PLTP: variants seen among roughly 807,000 people sequenced by gnomAD.
PLTP encodes the protein phospholipid transfer protein.
Under a neutral mutation model 54.1 loss-of-function variants are expected in PLTP, and 43 were observed. The observed-to-expected ratio is 0.79, with a 90% CI of 0.62 to 1.02. PLTP has a LOEUF of 1.02. Ranked by LOEUF, PLTP falls within the 50% of genes least tolerant of loss-of-function variation. PLTP has a pLI of 0.00. For missense variants in PLTP, 604 were observed against 645.9 expected, an observed-to-expected ratio of 0.94 and a Z score of 0.70; for synonymous variants, 263 against 264.6, an observed-to-expected ratio of 0.99 and a Z score of 0.06.
intron 11 of PLTP, 52 bp from the exon 12 acceptor site, chr20:45,902,386 A>C (rs1429019088): frequency 1.2e-6 from 2 of 1,613,892 alleles, no homozygotes; most frequent in East Asian, 2.2e-5. Flanking sequence ...TCAGTAACCC[A>C]CAGCCCATTT....
At chr20:45,903,764 C>T (rs532540746) in intron 10 of PLTP, among the ~76,000 whole-genome samples, 5 of 152,146 alleles carry the variant, frequency 3.3e-5, no homozygotes, top group Admixed American at 6.5e-5. Flanking sequence ...TGCTTGAACC[C>T]GGGAGGTTCA....
intron 15 of PLTP, 115 bp from the exon 16 acceptor site, chr20:45,899,178 G>A: frequency 1.4e-6 from 2 of 1,455,326 alleles, no homozygotes; most frequent in African/African-American, 1.4e-5. Flanking sequence ...ATAATTCCAT[G>A]TCAAGGTGTT....
chr20:45,906,021 T>G (rs1181229603), intron 8 of PLTP, among the ~76,000 whole-genome samples: 1 of 151,998 alleles, frequency 6.6e-6, no homozygotes, highest in Non-Finnish European at 1.5e-5. Flanking sequence ...AGGGTCCAAT[T>G]TGGGAAAGAG....
At position 45,903,172 on chromosome 20, in the gene PLTP, A is replaced by G. The variant is rs374560778; in HGVS notation, c.943-568T>C. ...GCTGGGATTACAGGCATGAGCCACC[A>G]CACCCAAACCCCTTGCCATATCTTT... is the stretch of plus-strand genomic sequence containing the variant. On this transcript the variant is annotated intron_variant, in intron 10 of 15. Coordinates refer to ENST00000372431, the MANE Select transcript of PLTP (RefSeq NM_006227.4). 1.7e-4 allele frequency among the ~76,000 whole-genome samples: 25 copies of G among 150,034 alleles called. No individual in the cohort carries two copies. The East Asian group carries it at 3.6e-3, about 22-fold the overall frequency.
At position 45,899,493 on chromosome 20, in the gene PLTP, T is replaced by C. The variant is rs1601152956; in HGVS notation, c.1328A>G (p.Asn443Ser). Reference sequence around the variant, plus strand: ...GTTCGTCACCACCTCATGCACAAAGTTGATGCCCTCAGGTAGTGGGATCTG... The same window carrying C: ...GTTCGTCACCACCTCATGCACAAAGCTGATGCCCTCAGGTAGTGGGATCTG... ...GVQIPLPEGI[N>S]FVHEVVTNHA... Residue 443 changes from asparagine to serine, a missense_variant, in exon 15 of 16, where the codon AAC becomes AGC. Coordinates refer to ENST00000372431, the MANE Select transcript of PLTP (RefSeq NM_006227.4). 1.2e-6 allele frequency: 2 copies of C among 1,614,134 alleles called. No individual in the cohort carries two copies. The highest frequency in any genetic ancestry group is 8.5e-7 in the Non-Finnish European group (1 of 1,180,008).
chr20:45,902,236 C>T, intron 12 of PLTP, 31 bp downstream of exon 12: 7 of 1,610,094 alleles, frequency 4.3e-6, no homozygotes, highest in Non-Finnish European at 5.9e-6. Context: ...GTCCTCCAAT[C>T]ACTGAGGTGC....
intron 3 of PLTP, 165 bp downstream of exon 3, chr20:45,910,987 G>A (rs754935771): frequency 2.0e-4 from 303 of 1,524,770 alleles, no homozygotes; most frequent in Non-Finnish European, 2.6e-4. Flanking sequence ...GACTGGCTTG[G>A]CCTTTATCTT....
chr20:45,901,922 T>G (rs1464655018), intron 12 of PLTP, among the ~76,000 whole-genome samples: 2 of 149,230 alleles, frequency 1.3e-5, no homozygotes, highest in Admixed American at 6.7e-5. Context: ...AAAAGAATAA[T>G]AACATTTTTA....
intron 7 of PLTP, 147 bp from the exon 8 acceptor site, chr20:45,906,506 C>G (rs1363311405): frequency 2.8e-6 from 2 of 712,076 alleles, no homozygotes; most frequent in Non-Finnish European, 5.2e-6. Flanking sequence ...GTGGAAAGCA[C>G]TTAGGGCCTG....
At chr20:45,907,781 G>A (rs2083254954) in intron 6 of PLTP, 26 bp from the exon 7 acceptor site, 4 of 1,611,934 alleles carry the variant, frequency 2.5e-6, no homozygotes, top group Middle Eastern at 3.3e-4. Flanking sequence ...CAGAGTCAGG[G>A]CCTTCTCAAA....
intron 3 of PLTP, among the ~76,000 whole-genome samples, chr20:45,910,488 G>A (rs1340622075): frequency 2.6e-5 from 4 of 151,834 alleles, no homozygotes; most frequent in Admixed American, 6.6e-5. Flanking sequence ...GGTGGCACGC[G>A]CCTGTAGTCC....
At chr20:45,907,171 C>CA (rs2083247797) in intron 7 of PLTP, among the ~76,000 whole-genome samples, 1 of 146,256 alleles carries the variant, frequency 6.8e-6, no homozygotes. Context: ...TACTAAAACA[C>CA]AAAAAACTAG....
rs1568771846 is a variant in PLTP, at chr20:45,902,291, A to G, written c.1151T>C (p.Leu384Pro). The change falls in exon 12 of 16, where the codon CTG (leucine) becomes CCG (proline). Residue 384 changes from leucine to proline, a missense_variant. Leu to Pro is a moderately conservative substitution (Grantham distance 98). Transcript: ENST00000372431. ...CCTGCGCAGGTCCAGCTGCGTGCGC[A>G]GGGCCTTCCCCCGGAGAGCCATCTT... ...SAKMALRGKA[L>P]RTQLDLRRFR... 1 of 1,614,106 alleles carries G rather than the reference A, an allele frequency of 6.2e-7. No individual in the cohort carries two copies. Among genetic ancestry groups the G allele is most frequent in the East Asian group, 2.2e-5 (1 of 44,888 alleles).
chr20:45,902,279 A>G lies in PLTP; in HGVS notation c.1163T>C (p.Leu388Pro), dbSNP rs2083192676. 6.2e-7 allele frequency: 1 copy of G among 1,613,894 alleles called. No individual in the cohort carries two copies. The highest frequency in any genetic ancestry group is 1.1e-5 in the South Asian group (1 of 91,090). Residue 388 changes from leucine (L) to proline (P), a missense_variant, in exon 12 of 16, where the codon CTG (leucine) becomes CCG (proline). By Grantham distance (98) the Leu-to-Pro change is moderately conservative. Coordinates refer to ENST00000372431, the MANE Select transcript of PLTP (RefSeq NM_006227.4). ...ALRGKALRTQ[L>P]DLRRFRIYSN... is the part of the protein sequence containing the mutation. ...TGCGCCTGCCTACCTGCGCAGGTCCAGCTGCGTGCGCAGGGCCTTCCCCCG... is the reference window on the plus strand; with the variant it reads ...TGCGCCTGCCTACCTGCGCAGGTCCGGCTGCGTGCGCAGGGCCTTCCCCCG...
chr20:45,899,811 A>ACCCCCCCCC, intron 13 of PLTP, 25 bp downstream of exon 13: 2 of 211,064 alleles, frequency 9.5e-6, no homozygotes, highest in Non-Finnish European at 8.9e-6. Context: ...AACCCAGCCC[A>ACCCCCCCCC]GCCCACCCAC....
intron 10 of PLTP, 148 bp downstream of exon 10, chr20:45,904,652 G>T: frequency 1.3e-6 from 1 of 767,942 alleles, no homozygotes; most frequent in East Asian, 2.5e-5. Context: ...TTCACAGACA[G>T]GAACAGCCAT....
intron 8 of PLTP, among the ~76,000 whole-genome samples, chr20:45,905,978 C>T (rs535484693): frequency 7.4e-4 from 112 of 152,234 alleles, no homozygotes; most frequent in Middle Eastern, 3.4e-3. Context: ...GGGGAAAGGC[C>T]GTGCATGAGC....
intron 6 of PLTP, 24 bp from the exon 7 acceptor site, chr20:45,907,779 G>C: frequency 6.2e-7 from 1 of 1,612,308 alleles, no homozygotes; most frequent in South Asian, 1.1e-5. Flanking sequence ...GCCAGAGTCA[G>C]GGCCTTCTCA....
chr20:45,906,178 C>T (rs1294294643), intron 8 of PLTP, 90 bp downstream of exon 8: 19 of 858,464 alleles, frequency 2.2e-5, no homozygotes, highest in Non-Finnish European at 3.2e-5. Flanking sequence ...CTCATCAGAG[C>T]TGTGCTTTAA....
Sources: gnomAD v4.1 joint callset for allele counts (sites outside exome capture counted in the v4.1 genomes callset) on GRCh38, gnomAD v4.1.1 for gene constraint, MANE v1.5 for transcripts, NCBI Gene and HGNC (gene_info 2026-07-23, HGNC 2026-07-21) for gene names.